Variants in SPTSSB observed in about 807,000 individuals in gnomAD.
The protein encoded by SPTSSB is androgen down regulated in mouse prostate.
A neutral mutation model predicts 7.7 loss-of-function variants in SPTSSB; 6 were observed. That is an observed-to-expected ratio of 0.78 (90% CI 0.43 to 1.54). The LOEUF (loss-of-function observed/expected upper bound fraction) is 1.54, where lower values mean the gene tolerates loss of function less well. SPTSSB is among the 40% of genes most tolerant of loss of function. SPTSSB has a pLI of 0.01. For synonymous variants in SPTSSB, 28 were observed against 29.7 expected, an observed-to-expected ratio of 0.94 and a Z score of 0.19; for missense variants, 91 against 93.0, an observed-to-expected ratio of 0.98 and a Z score of 0.09.
At chr3:161,353,409 G>T (rs1390244389) in intron 2 of SPTSSB, among the ~76,000 whole-genome samples, 2 of 152,102 alleles carry the variant, frequency 1.3e-5, no homozygotes, top group African/African-American at 2.4e-5. Context: ...TTTGCTAATT[G>T]AATCATCTAG....
intron 1 of SPTSSB, among the ~76,000 whole-genome samples, chr3:161,369,314 C>CTTTCTTTTTT (rs1278233391): frequency 1.5e-5 from 1 of 65,718 alleles, no homozygotes; most frequent in Non-Finnish European, 2.7e-5. Context: ...TTCTTTCTTT[C>CTTTCTTTTTT]TCTTTCTTTC....
intron 2 of SPTSSB, among the ~76,000 whole-genome samples, chr3:161,351,746 G>T (rs543321607): frequency 6.6e-6 from 1 of 151,728 alleles, no homozygotes. Flanking sequence ...ACCTTATTTT[G>T]TTATTCTCTT....
intron 1 of SPTSSB, among the ~76,000 whole-genome samples, chr3:161,367,749 C>A (rs981611984): frequency 2.0e-5 from 3 of 152,174 alleles, no homozygotes; most frequent in Non-Finnish European, 2.9e-5. Context: ...TCCCAAGACT[C>A]TCTGGCTTTT....
At chr3:161,346,913 G>T (rs1416722634) in intron 2 of SPTSSB, among the ~76,000 whole-genome samples, 2 of 152,206 alleles carry the variant, frequency 1.3e-5, no homozygotes, top group East Asian at 3.9e-4. Flanking sequence ...ACACTGAAGA[G>T]GTGGGAATGG....
At chr3:161,347,747 C>T (rs1474378924) in intron 2 of SPTSSB, among the ~76,000 whole-genome samples, 1 of 151,948 alleles carries the variant, frequency 6.6e-6, no homozygotes, top group Non-Finnish European at 1.5e-5. Flanking sequence ...GTGGTGGGCA[C>T]CTGTAATCCC....
In SPTSSB at chr3:161,359,861, G is replaced by A. The variant is rs1714935517; in HGVS notation, c.-92C>T. 1 of 920,396 alleles carries A rather than the reference G, an allele frequency of 1.1e-6. No homozygotes were observed. The highest frequency in any genetic ancestry group is 1.8e-5 in the African/African-American group (1 of 55,770). The allele number at this position is 920,396 out of a possible 1,614,324, so 57.0% of individuals were successfully genotyped here. ...TCCTTCACGAAATGATCCTGTGTGG[G>A]TTAGTTCTCCTCTCTGGGTTGCTGT... On this transcript the variant is annotated 5_prime_UTR_variant, in exon 2 of 3. Coordinates refer to ENST00000620149, the MANE Select transcript of SPTSSB (RefSeq NM_001040100.2).
Position 161,359,871 on chromosome 3 carries a change from C to T in SPTSSB, c.-102G>A. On this transcript the variant is annotated 5_prime_UTR_variant, in exon 2 of 3. Transcript: ENST00000620149. ...AATGATCCTGTGTGGGTTAGTTCTC[C>T]TCTCTGGGTTGCTGTTTCCTCATCT... is the stretch of plus-strand genomic sequence containing the variant. 1.2e-6 allele frequency: 1 copy of T among 852,308 alleles called. No individual in the cohort carries two copies. The highest frequency in any genetic ancestry group is 1.4e-6 in the Non-Finnish European group (1 of 708,766). 52.8% of individuals were successfully genotyped at this position (852,308 alleles called of 1,614,324 possible).
intron 1 of SPTSSB, among the ~76,000 whole-genome samples, chr3:161,361,358 A>T (rs9822705): frequency 0.053 from 8,141 of 152,226 alleles, 580 homozygotes; most frequent in African/African-American, 0.15. Context: ...GTTGCTATGC[A>T]TCAGGAGGCA....
chr3:161,367,660 G>A (rs955380644), intron 1 of SPTSSB, among the ~76,000 whole-genome samples: 4 of 152,204 alleles, frequency 2.6e-5, no homozygotes, highest in African/African-American at 4.8e-5. Flanking sequence ...TGAGGTTGTC[G>A]TAATCACAGC....
chr3:161,360,501 C>T (rs983138861), intron 1 of SPTSSB, among the ~76,000 whole-genome samples: 1 of 152,010 alleles, frequency 6.6e-6, no homozygotes, highest in Non-Finnish European at 1.5e-5. Flanking sequence ...TTGTCTTATG[C>T]ATATATTAGG....
At chr3:161,369,286 T>TTTTC (rs149388545) in intron 1 of SPTSSB, among the ~76,000 whole-genome samples, 1,375 of 110,342 alleles carry the variant, frequency 0.012, 23 homozygotes, top group African/African-American at 0.021. Context: ...TCTTTCTTTC[T>TTTTC]TTTCTTTCTT....
At chr3:161,351,889 A>G (rs1358586696) in intron 2 of SPTSSB, among the ~76,000 whole-genome samples, 1 of 152,190 alleles carries the variant, frequency 6.6e-6, no homozygotes. Flanking sequence ...ACTGTCCAAT[A>G]TGGCAGCCAC....
At chr3:161,354,059 C>G (rs1264908942) in intron 2 of SPTSSB, among the ~76,000 whole-genome samples, 1 of 151,962 alleles carries the variant, frequency 6.6e-6, no homozygotes, top group Non-Finnish European at 1.5e-5. Context: ...ATCGAACAAC[C>G]ATAGGGCAAT....
intron 2 of SPTSSB, chr3:161,359,413 G>GA (rs1714912237): frequency 6.6e-6 from 1 of 152,180 alleles, no homozygotes; most frequent in Non-Finnish European, 1.5e-5. Context: ...CCATAAATAA[G>GA]ACAGTAGCTA....
intron 1 of SPTSSB, among the ~76,000 whole-genome samples, chr3:161,366,324 C>T (rs1715217778): frequency 6.6e-6 from 1 of 152,120 alleles, no homozygotes; most frequent in African/African-American, 2.4e-5. Flanking sequence ...TTGTAATTCG[C>T]GAGAGCAGGT....
At position 161,346,300 on chromosome 3, in the gene SPTSSB, T is replaced by C. The variant is rs768782714; in HGVS notation, c.24A>G (p.Glu8=). Reference sequence around the variant, plus strand: ...ATTGATAGTAGAGCCAGGAGAAATATTCCTTCACACGCCTCAAATCCATGG... The same window carrying C: ...ATTGATAGTAGAGCCAGGAGAAATACTCCTTCACACGCCTCAAATCCATGG... The part of the protein sequence containing the change: MDLRRVK[E]YFSWLYYQYQ... The change falls in exon 3 of 3, where the codon GAA becomes GAG. Residue 8 remains glutamate, a synonymous_variant. Transcript: ENST00000620149. The C allele has an allele frequency of 2.5e-6, 4 of 1,613,240 alleles. No homozygotes were observed. In the South Asian group the frequency reaches 3.3e-5, roughly 13 times the overall value.
At chr3:161,361,730 G>A (rs1715024726) in intron 1 of SPTSSB, among the ~76,000 whole-genome samples, 1 of 152,088 alleles carries the variant, frequency 6.6e-6, no homozygotes, top group Non-Finnish European at 1.5e-5. Flanking sequence ...TTTTCTACAT[G>A]CATTTTATTT....
chr3:161,361,471 T>C (rs80260759), intron 1 of SPTSSB, among the ~76,000 whole-genome samples: 4,590 of 152,278 alleles, frequency 0.03, 99 homozygotes, highest in South Asian at 0.12. Context: ...TTAAAATGTT[T>C]TTGTCATATT....
intron 2 of SPTSSB, among the ~76,000 whole-genome samples, chr3:161,346,869 G>T (rs1486496594): frequency 1.3e-5 from 2 of 152,272 alleles, no homozygotes; most frequent in African/African-American, 4.8e-5. Context: ...CTTTTGAGGG[G>T]CCACGGAGGG....
Sources: allele counts gnomAD v4.1 joint callset (sites outside exome capture counted in the v4.1 genomes callset), GRCh38; gene constraint gnomAD v4.1.1; transcripts MANE v1.5; gene names NCBI Gene and HGNC (gene_info 2026-07-23, HGNC 2026-07-21).